Variants in PFKFB2 observed in about 807,000 individuals in gnomAD.
The protein encoded by PFKFB2 is 6-phosphofructo-2-kinase/fructose-2,6-biphosphatase 2, also known as 6-phosphofructo-2-kinase/fructose-2,6-bisphosphatase 2.
In PFKFB2, 53 loss-of-function variants were observed where a neutral mutation model predicts 68.0. The observed-to-expected ratio is 0.78, with a 90% CI of 0.63 to 0.98. The LOEUF (loss-of-function observed/expected upper bound fraction) is 0.98. Ranked by LOEUF, PFKFB2 falls within the 50% of genes least tolerant of loss-of-function variation. The pLI is 0.00. For missense variants in PFKFB2, 451 were observed against 642.0 expected, an observed-to-expected ratio of 0.70 and a Z score of 3.22; for synonymous variants, 222 against 227.6, an observed-to-expected ratio of 0.98 and a Z score of 0.22.
chr1:207,040,199 T>C (rs1392803279), intron 1 of PFKFB2, among the ~76,000 whole-genome samples: 4 of 152,232 alleles, frequency 2.6e-5, no homozygotes, highest in African/African-American at 9.6e-5. Flanking sequence ...AACTTCGGTA[T>C]TGATTTCAAA....
rs1434534756 is a variant in PFKFB2 at position 207,062,504 on chromosome 1, C to T, written c.212-116C>T. 2.7e-6 allele frequency: 4 copies of T among 1,492,254 alleles called. No individual in the cohort carries two copies. The East Asian group carries it at 6.8e-5, about 25-fold the overall frequency. 92.4% of individuals were successfully genotyped at this position (1,492,254 alleles called of 1,614,324 possible). ...TAATCTGATATTGTTCCCAACCTAC[C>T]ATGCTGCCGCTTTTTTCATCCCCTT... On this transcript the variant is annotated intron_variant, in intron 3 of 14. Coordinates refer to ENST00000367080, the MANE Select transcript of PFKFB2 (RefSeq NM_006212.2).
chr1:207,040,882 T>C (rs867885799), intron 1 of PFKFB2, among the ~76,000 whole-genome samples: 1 of 151,566 alleles, frequency 6.6e-6, no homozygotes, highest in African/African-American at 2.4e-5. Flanking sequence ...AGAAAAAAAC[T>C]ACGTTTTACT....
At position 207,062,697 on chromosome 1, in the gene PFKFB2, G is replaced by A. The variant is rs1471124270; in HGVS notation, c.289G>A (p.Glu97Lys). The change falls in exon 4 of 15, where the codon GAG becomes AAG. Residue 97 changes from glutamate to lysine, a missense_variant. Physicochemically the swap from Glu to Lys is moderately conservative, Grantham distance 56. Transcript: ENST00000367080. The stretch of plus-strand genomic sequence containing the variant: ...CGACTTCTTTCGGCATGACAATGAG[G>A]AGGCCATGAAGATCCGCAAGTGAGT... ...SYDFFRHDNE[E>K]AMKIRKQCAL... 2 of 1,614,114 alleles carry A rather than the reference G, an allele frequency of 1.2e-6. No homozygotes were observed. The highest frequency in any genetic ancestry group is 1.7e-6 in the Non-Finnish European group (2 of 1,179,988).
At chr1:207,055,936 C>T (rs1251010209) in intron 2 of PFKFB2, among the ~76,000 whole-genome samples, 1 of 152,142 alleles carries the variant, frequency 6.6e-6, no homozygotes, top group Non-Finnish European at 1.5e-5. Flanking sequence ...AAGCCAGGTG[C>T]TAAGGGCAGA....
At chr1:207,059,269 T>C (rs976015941) in intron 2 of PFKFB2, among the ~76,000 whole-genome samples, 3 of 152,170 alleles carry the variant, frequency 2.0e-5, no homozygotes, top group African/African-American at 7.2e-5. Context: ...CAGTTCATTT[T>C]AAACTTTAGG....
At chr1:207,058,498 C>A (rs1302667395) in intron 2 of PFKFB2, among the ~76,000 whole-genome samples, 1 of 152,216 alleles carries the variant, frequency 6.6e-6, no homozygotes, top group Non-Finnish European at 1.5e-5. Flanking sequence ...GAACCCTGAC[C>A]TTGACTGTCT....
At position 207,034,421 on chromosome 1, in the gene PFKFB2, A is replaced by G. The variant is rs529632228; in HGVS notation, c.-113A>G. The G allele has an allele frequency of 3.3e-5, 5 of 152,382 alleles. No homozygotes were observed. The South Asian group carries it at 1.0e-3, about 32-fold the overall frequency. The allele number at this position is 152,382 out of a possible 1,614,324, so 9.4% of individuals were successfully genotyped here. A position where few individuals can be genotyped will look rare whatever the true frequency, so the allele number is the denominator to read the frequency against. On this transcript the variant is annotated 5_prime_UTR_variant, in exon 1 of 6. Transcript: ENST00000545806. ...CATCTCCAAATCAGCAGTTCAGTGC[A>G]ACCAGAGTCACACCCATGGATGAAG... is the stretch of plus-strand genomic sequence containing the variant.
rs1335023833 is a variant in PFKFB2, at chr1:207,077,294, T to C, written c.*4923T>C. On this transcript the variant is annotated 3_prime_UTR_variant, in exon 15 of 15. Coordinates refer to ENST00000367080, the MANE Select transcript of PFKFB2 (RefSeq NM_006212.2). ...ATGCATTTGGATTTTACACTTAATCTAGTAAGTAAAAATGAGAAGAAAATT... is the reference window on the plus strand; with the variant it reads ...ATGCATTTGGATTTTACACTTAATCCAGTAAGTAAAAATGAGAAGAAAATT... The C allele has an allele frequency of 2.0e-6, 2 of 984,956 alleles. No homozygotes were observed. Among genetic ancestry groups the C allele is most frequent in the Non-Finnish European group, 2.4e-6 (2 of 829,488 alleles). 61.0% of individuals were successfully genotyped at this position (984,956 alleles called of 1,614,324 possible).
At chr1:207,049,245 G>C (rs1161497777), upstream of PFKFB2, 1 of 1,614,020 alleles carries the variant, frequency 6.2e-7, no homozygotes, top group African/African-American at 1.3e-5. Context: ...GATCAGGGAA[G>C]TTACGCTGAA....
downstream of PFKFB2, chr1:207,078,933 C>A: frequency 6.2e-7 from 1 of 1,606,822 alleles, no homozygotes. Context: ...AGCTTTGTGT[C>A]TCTTCCTCTC....
intron 1 of PFKFB2, among the ~76,000 whole-genome samples, chr1:207,038,644 C>T (rs1056972435): frequency 6.6e-5 from 10 of 152,162 alleles, no homozygotes; most frequent in Non-Finnish European, 1.3e-4. Context: ...AATTTTAATT[C>T]GATTCTCCCA....
At chr1:207,071,125 C>A in intron 12 of PFKFB2, 63 bp from the exon 13 acceptor site, 2 of 1,280,622 alleles carry the variant, frequency 1.6e-6, no homozygotes, top group Non-Finnish European at 2.3e-6. Flanking sequence ...TTCTTTCTTC[C>A]ACTAACTTGA....
rs1165323797 is a variant in PFKFB2 at position 207,075,299 on chromosome 1, T to G, written c.*2928T>G. 1 of 985,404 alleles carries G rather than the reference T, an allele frequency of 1.0e-6. No homozygotes were observed. The highest frequency in any genetic ancestry group is 4.7e-5 in the South Asian group (1 of 21,290). 61.0% of individuals were successfully genotyped at this position (985,404 alleles called of 1,614,324 possible). On this transcript the variant is annotated 3_prime_UTR_variant, in exon 15 of 15. Transcript: ENST00000367080. ...AAGAGGAGCTGAGGTGGTCTTATCCTCAGATAGGACATGAGAAATTGGAAT... is the reference window on the plus strand; with the variant it reads ...AAGAGGAGCTGAGGTGGTCTTATCCGCAGATAGGACATGAGAAATTGGAAT...
At chr1:207,045,323 GCTC>G (rs1558052426) in intron 2 of PFKFB2, 1 of 152,442 alleles carries the variant, frequency 6.6e-6, no homozygotes, top group East Asian at 1.9e-4. Context: ...CACAGACCAT[GCTC>G]CTAATAGTTA....
At chr1:207,062,105 G>A (rs1362984593) in intron 3 of PFKFB2, 27 bp downstream of exon 3, 2 of 1,613,936 alleles carry the variant, frequency 1.2e-6, no homozygotes, top group Non-Finnish European at 1.7e-6. Flanking sequence ...CCCTAGGAAA[G>A]ACAATTATTA....
intron 1 of PFKFB2, among the ~76,000 whole-genome samples, chr1:207,037,634 T>TC (rs1289901597): frequency 1.3e-5 from 2 of 152,146 alleles, no homozygotes; most frequent in Non-Finnish European, 2.9e-5. Context: ...TCCAAATACT[T>TC]CCCCCCTTCA....
chr1:207,056,673 C>G (rs1682931460), intron 2 of PFKFB2, among the ~76,000 whole-genome samples: 1 of 151,834 alleles, frequency 6.6e-6, no homozygotes, highest in South Asian at 2.1e-4. Context: ...CTCTTTTTTT[C>G]CATACTCTAG....
intron 7 of PFKFB2, among the ~76,000 whole-genome samples, chr1:207,064,467 G>T (rs1683220706): frequency 6.6e-6 from 1 of 152,112 alleles, no homozygotes; most frequent in Admixed American, 6.6e-5. Flanking sequence ...CTACAGGAAG[G>T]TTATCTCCCC....
intron 12 of PFKFB2, 56 bp from the exon 13 acceptor site, chr1:207,071,132 T>C (rs1683453982): frequency 7.3e-7 from 1 of 1,370,044 alleles, no homozygotes; most frequent in Non-Finnish European, 1.0e-6. Flanking sequence ...TTCCACTAAC[T>C]TGACCTTACT....
Sources: gnomAD v4.1 joint callset for allele counts (sites outside exome capture counted in the v4.1 genomes callset) on GRCh38, gnomAD v4.1.1 for gene constraint, MANE v1.5 for transcripts, NCBI Gene and HGNC (gene_info 2026-07-23, HGNC 2026-07-21) for gene names.